The following CDC42SE2 variants were observed in gnomAD, a reference collection of about 807,000 sequenced individuals.
CDC42SE2 encodes the protein CDC42 small effector 2, also known as CDC42 small effector protein 2.
Under a neutral mutation model 11.5 loss-of-function variants are expected in CDC42SE2, and 3 were observed. That is an observed-to-expected ratio of 0.26 (90% CI 0.12 to 0.67). The LOEUF (loss-of-function observed/expected upper bound fraction) is 0.67. Among genes scored for constraint, CDC42SE2 ranks in the 30% least tolerant of loss-of-function variants. The pLI, the probability that CDC42SE2 is intolerant of heterozygous loss-of-function variation, is 0.80. For missense variants in CDC42SE2, 82 were observed against 106.8 expected, an observed-to-expected ratio of 0.77 and a Z score of 1.02; for synonymous variants, 33 against 34.8, an observed-to-expected ratio of 0.95 and a Z score of 0.18.
At chr5:131,336,999 C>T (rs183886563) in intron 2 of CDC42SE2, among the ~76,000 whole-genome samples, 33 of 152,296 alleles carry the variant, frequency 2.2e-4, no homozygotes, top group Middle Eastern at 3.4e-3. Context: ...AGCTTTGTTC[C>T]GTTGCTGGTG....
At position 131,336,063 on chromosome 5, in the gene CDC42SE2, T is replaced by A. The variant is rs182213300; in HGVS notation, c.-286+19919T>A. On this transcript the variant is annotated intron_variant, in intron 2 of 4. Coordinates refer to ENST00000505065, the MANE Select transcript of CDC42SE2 (RefSeq NM_001375635.1). Reference sequence around the variant, plus strand: ...TAGTTGATGCAGTTTCTTCCTAGCCTTGATGATCTTTACAATTTGGCATGT... The same window carrying A: ...TAGTTGATGCAGTTTCTTCCTAGCCATGATGATCTTTACAATTTGGCATGT... 4.1e-3 allele frequency among the ~76,000 whole-genome samples: 630 copies of A among 152,332 alleles called. 4 individuals are homozygous for A. The highest frequency in any genetic ancestry group is 0.013 in the African/African-American group (546 of 41,574).
chr5:131,392,560 TGCATTCATAAG>T lies in CDC42SE2; in HGVS notation c.*1478_*1488del. On this transcript the variant is annotated 3_prime_UTR_variant, in exon 5 of 5. Transcript: ENST00000505065. ...TTAGAATTGCAATAAAAGAAAAGCT[TGCATTCATAAG>T]GCATTCATTCTGTTGTAAATGTTCA... 6.6e-6 allele frequency: 1 copy of T among 152,472 alleles called. No homozygotes were observed. Among genetic ancestry groups the T allele is most frequent in the African/African-American group, 2.4e-5 (1 of 41,590 alleles). 9.4% of individuals were successfully genotyped at this position (152,472 alleles called of 1,614,324 possible). A position where few individuals can be genotyped will look rare whatever the true frequency, so the allele number is the denominator to read the frequency against.
chr5:131,215,692 C>T, the CDC42SE2 span, among the ~76,000 whole-genome samples: 9 of 152,244 alleles, frequency 5.9e-5, no homozygotes, highest in African/African-American at 2.2e-4. Flanking sequence ...ATCAAGAGAA[C>T]GACCTCTCAT....
chr5:131,350,198 C>G (rs769071019), intron 2 of CDC42SE2, among the ~76,000 whole-genome samples: 1 of 151,856 alleles, frequency 6.6e-6, no homozygotes. Flanking sequence ...TTAAACATTT[C>G]AACAAGAAAC....
At chr5:131,272,135 C>T (rs922060810) in intron 1 of CDC42SE2, among the ~76,000 whole-genome samples, 12 of 152,024 alleles carry the variant, frequency 7.9e-5, no homozygotes, top group Non-Finnish European at 1.2e-4. Context: ...CTCAGCCTCC[C>T]GAGTAGCTGG....
chr5:131,329,798 G>T (rs1043677463), intron 2 of CDC42SE2, among the ~76,000 whole-genome samples: 2 of 146,460 alleles, frequency 1.4e-5, no homozygotes, highest in Non-Finnish European at 3.0e-5. Flanking sequence ...AGAATTGCTT[G>T]AACTCGGGAG....
At chr5:131,381,578 C>G (rs1750328882) in intron 3 of CDC42SE2, among the ~76,000 whole-genome samples, 1 of 152,196 alleles carries the variant, frequency 6.6e-6, no homozygotes. Flanking sequence ...CCGCCTCGGC[C>G]TCCCAAAGTG....
intron 1 of CDC42SE2, among the ~76,000 whole-genome samples, chr5:131,275,328 G>A (rs1005126499): frequency 3.4e-5 from 5 of 146,906 alleles, no homozygotes; most frequent in African/African-American, 5.1e-5. Flanking sequence ...ACTGAGTCTC[G>A]CTCTTTAGCC....
chr5:131,345,225 C>T (rs894584949), intron 2 of CDC42SE2, among the ~76,000 whole-genome samples: 7 of 152,058 alleles, frequency 4.6e-5, no homozygotes, highest in Admixed American at 6.6e-5. Flanking sequence ...GGAGAATGTT[C>T]GAACCTATCG....
chr5:131,287,522 G>C (rs1451734489), intron 1 of CDC42SE2, among the ~76,000 whole-genome samples: 2 of 151,476 alleles, frequency 1.3e-5, no homozygotes, highest in South Asian at 2.1e-4. Context: ...GAGTGCAGTG[G>C]CACGATCATG....
At chr5:131,332,926 C>G (rs894907222) in intron 2 of CDC42SE2, among the ~76,000 whole-genome samples, 3 of 152,126 alleles carry the variant, frequency 2.0e-5, no homozygotes, top group African/African-American at 7.2e-5. Context: ...GTTGCCTGTT[C>G]ACTCTGATGG....
intron 4 of CDC42SE2, among the ~76,000 whole-genome samples, chr5:131,386,692 G>A (rs1436715458): frequency 1.3e-5 from 2 of 152,196 alleles, no homozygotes; most frequent in African/African-American, 4.8e-5. Context: ...TATCAGAGTT[G>A]TTCCTCACAT....
At chr5:131,360,987 A>G (rs1200452600) in intron 3 of CDC42SE2, among the ~76,000 whole-genome samples, 4 of 148,146 alleles carry the variant, frequency 2.7e-5, no homozygotes, top group African/African-American at 7.4e-5. Flanking sequence ...TTGTGGTTAC[A>G]TGTTTTCTTA....
At chr5:131,214,203 C>G in the CDC42SE2 span, among the ~76,000 whole-genome samples, 1 of 152,128 alleles carries the variant, frequency 6.6e-6, no homozygotes, top group African/African-American at 2.4e-5. Context: ...ACACCTAACA[C>G]CATTTTAAAA....
intron 2 of CDC42SE2, among the ~76,000 whole-genome samples, chr5:131,258,198 A>G (rs148741269): frequency 3.9e-5 from 6 of 152,170 alleles, no homozygotes; most frequent in Admixed American, 6.5e-5. Context: ...TGCTTCCTAA[A>G]TTAGTGCCAC....
intron 3 of CDC42SE2, among the ~76,000 whole-genome samples, chr5:131,372,502 A>G (rs1017396798): frequency 2.6e-5 from 4 of 152,106 alleles, no homozygotes; most frequent in African/African-American, 7.2e-5. Context: ...TCACGACGTC[A>G]GGAGATAAAG....
rs1242470852 is a variant in CDC42SE2 at position 131,393,664 on chromosome 5, T to TATCA, written c.*2574_*2577dup. 4 of 152,328 alleles carry TATCA rather than the reference T, an allele frequency of 2.6e-5. No homozygotes were observed. The highest frequency in any genetic ancestry group is 5.9e-5 in the Non-Finnish European group (4 of 68,030). 9.4% of individuals were successfully genotyped at this position (152,328 alleles called of 1,614,324 possible). A position where few individuals can be genotyped will look rare whatever the true frequency, so the allele number is the denominator to read the frequency against. On this transcript the variant is annotated 3_prime_UTR_variant, in exon 5 of 5. Transcript: ENST00000505065. ...AAGAGAGATTGGATTTTCTTGGCAT[T>TATCA]ATCAGCACTCATGCTATTTAGTCTA...
chr5:131,269,758 C>G (rs1426081333), intron 1 of CDC42SE2, among the ~76,000 whole-genome samples: 2 of 150,496 alleles, frequency 1.3e-5, no homozygotes, highest in Non-Finnish European at 3.0e-5. Context: ...AGCGAGACTC[C>G]ATCTCAAAAA....
chr5:131,345,701 A>T (rs1324531416), intron 2 of CDC42SE2, among the ~76,000 whole-genome samples: 1 of 152,204 alleles, frequency 6.6e-6, no homozygotes, highest in Non-Finnish European at 1.5e-5. Context: ...TAATTGTCAG[A>T]TTCACCAAGG....
Sources: gnomAD v4.1 joint callset for allele counts (sites outside exome capture counted in the v4.1 genomes callset) on GRCh38, gnomAD v4.1.1 for gene constraint, MANE v1.5 for transcripts, NCBI Gene and HGNC (gene_info 2026-07-23, HGNC 2026-07-21) for gene names.